Variants in RANBP2 observed in about 807,000 individuals in gnomAD.
RANBP2 encodes RAN binding protein 2, also known as E3 SUMO-protein ligase RanBP2.
In RANBP2, 57 loss-of-function variants were observed where a neutral mutation model predicts 303.6. The observed-to-expected ratio is 0.19, with a 90% confidence interval of 0.15 to 0.23. RANBP2 has a LOEUF of 0.23. Among genes scored for constraint, RANBP2 ranks in the 10% least tolerant of loss-of-function variants. The probability of loss-of-function intolerance (pLI) is 1.00; values close to 1 mark genes in which losing one functional copy is unlikely to be tolerated. For synonymous variants in RANBP2, 1,167 were observed against 1,301.5 expected, an observed-to-expected ratio of 0.90 and a Z score of 2.23; for missense variants, 3,138 against 3,780.8, an observed-to-expected ratio of 0.83 and a Z score of 4.46.
At chr2:109,357,452 A>T in the RANBP2 span, among the ~76,000 whole-genome samples, 1 of 152,166 alleles carries the variant, frequency 6.6e-6, no homozygotes, top group Non-Finnish European at 1.5e-5. Context: ...AAGTGCTGGG[A>T]TTACAGGCGT....
At chr2:109,270,556 C>T in the RANBP2 span, among the ~76,000 whole-genome samples, 22 of 152,228 alleles carry the variant, frequency 1.4e-4, no homozygotes, top group South Asian at 2.1e-4. Context: ...GGTGACAGCC[C>T]GGGGCAGTGT....
chr2:109,612,674 T>A, the RANBP2 span, among the ~76,000 whole-genome samples: 4 of 152,196 alleles, frequency 2.6e-5, no homozygotes, highest in Non-Finnish European at 5.9e-5. Flanking sequence ...AAAGAATTTA[T>A]AAAACACATT....
the RANBP2 span, among the ~76,000 whole-genome samples, chr2:109,090,101 C>T: frequency 1.3e-5 from 2 of 151,974 alleles, no homozygotes; most frequent in Admixed American, 6.6e-5. Context: ...TCCCAGAAAG[C>T]GACAACAGAG....
the RANBP2 span, among the ~76,000 whole-genome samples, chr2:109,409,025 A>G: frequency 6.6e-6 from 1 of 152,232 alleles, no homozygotes; most frequent in African/African-American, 2.4e-5. Flanking sequence ...TAGGCGAGAA[A>G]GGGGTCCTAT....
At chr2:109,794,602 C>CCGCGGCCCCGGCCCGGCCGGGG in the RANBP2 span, 1 of 852,466 alleles carries the variant, frequency 1.2e-6, no homozygotes, top group Non-Finnish European at 1.3e-6. Flanking sequence ...GCGGCGGCGG[C>CCGCGGCCCCGGCCCGGCCGGGG]GGCGGCGGGG....
the RANBP2 span, among the ~76,000 whole-genome samples, chr2:109,162,315 C>G: frequency 6.6e-6 from 1 of 152,200 alleles, no homozygotes; most frequent in Non-Finnish European, 1.5e-5. Flanking sequence ...ACAGCTACTG[C>G]GAGAAGTTGC....
chr2:109,009,135 C>G, the RANBP2 span, among the ~76,000 whole-genome samples: 10 of 151,710 alleles, frequency 6.6e-5, no homozygotes, highest in Admixed American at 5.9e-4. Context: ...GTCAGGAGAT[C>G]AAGACCATCC....
chr2:108,891,970 G>A, the RANBP2 span, among the ~76,000 whole-genome samples: 1 of 152,144 alleles, frequency 6.6e-6, no homozygotes, highest in Non-Finnish European at 1.5e-5. Context: ...CAGGACCCCA[G>A]AATATGTGCC....
chr2:109,288,991 C>A, the RANBP2 span, among the ~76,000 whole-genome samples: 1 of 152,168 alleles, frequency 6.6e-6, no homozygotes, highest in Non-Finnish European at 1.5e-5. Context: ...CATAAAAAAT[C>A]ATTCTGGCTG....
the RANBP2 span, among the ~76,000 whole-genome samples, chr2:108,982,273 C>T: frequency 1.3e-5 from 2 of 152,338 alleles, no homozygotes; most frequent in African/African-American, 4.8e-5. Context: ...CCCCATCCAG[C>T]CCACACTGGG....
the RANBP2 span, among the ~76,000 whole-genome samples, chr2:108,803,392 C>G: frequency 1.9e-5 from 1 of 53,100 alleles, no homozygotes; most frequent in Non-Finnish European, 4.6e-5. Context: ...GGTTTTCTCT[C>G]ATTTCTTTAG....
the RANBP2 span, among the ~76,000 whole-genome samples, chr2:109,475,892 C>T: frequency 6.6e-6 from 1 of 152,194 alleles, no homozygotes; most frequent in Non-Finnish European, 1.5e-5. Context: ...ATTTCTCTTT[C>T]CACATCTTCA....
At chr2:108,869,283 A>C in the RANBP2 span, among the ~76,000 whole-genome samples, 27 of 152,304 alleles carry the variant, frequency 1.8e-4, no homozygotes, top group African/African-American at 6.5e-4. Flanking sequence ...ACATTCTGTG[A>C]TAATTTTACT....
the RANBP2 span, among the ~76,000 whole-genome samples, chr2:109,476,204 C>T: frequency 6.6e-6 from 1 of 152,218 alleles, no homozygotes; most frequent in Non-Finnish European, 1.5e-5. Context: ...CCTGAGTCCT[C>T]CACTCAGCCC....
At chr2:109,398,041 G>A in the RANBP2 span, among the ~76,000 whole-genome samples, 3,127 of 152,244 alleles carry the variant, frequency 0.021, 105 homozygotes, top group African/African-American at 0.072. Context: ...GAGTGGAGGC[G>A]GTTACTGAAA....
At chr2:108,733,015 G>A (rs1302805044) in intron 4 of RANBP2, among the ~76,000 whole-genome samples, 1 of 151,938 alleles carries the variant, frequency 6.6e-6, no homozygotes, top group African/African-American at 2.4e-5. Context: ...GTAGAAACGG[G>A]GTTTCACCAT....
the RANBP2 span, among the ~76,000 whole-genome samples, chr2:109,595,431 C>A: frequency 6.6e-6 from 1 of 152,160 alleles, no homozygotes; most frequent in Non-Finnish European, 1.5e-5. Flanking sequence ...CCCTGCCATT[C>A]TGAAAGGCCC....
At chr2:109,674,976 T>G in the RANBP2 span, among the ~76,000 whole-genome samples, 1 of 152,128 alleles carries the variant, frequency 6.6e-6, no homozygotes, top group Non-Finnish European at 1.5e-5. Context: ...TTCAGCTACT[T>G]TTTTTCTTTT....
At chr2:109,024,418 C>T in the RANBP2 span, among the ~76,000 whole-genome samples, 24 of 152,308 alleles carry the variant, frequency 1.6e-4, no homozygotes, top group East Asian at 2.3e-3. Context: ...CGGCTACTGT[C>T]GAAAATCTCA....
Sources: allele counts gnomAD v4.1 joint callset (sites outside exome capture counted in the v4.1 genomes callset), GRCh38; gene constraint gnomAD v4.1.1; transcripts MANE v1.5; gene names NCBI Gene and HGNC (gene_info 2026-07-23, HGNC 2026-07-21).